Variants in DCAF6 observed in about 807,000 individuals in gnomAD.
DCAF6 encodes the protein DDB1 and CUL4 associated factor 6.
In DCAF6, 54 loss-of-function variants were observed where a neutral mutation model predicts 125.1. That is an observed-to-expected ratio of 0.43 (90% CI 0.35 to 0.54). DCAF6 has a LOEUF of 0.54. Among genes scored for constraint, DCAF6 ranks in the 20% least tolerant of loss-of-function variants. The probability of loss-of-function intolerance (pLI) is 0.01; values close to 1 mark genes in which losing one functional copy is unlikely to be tolerated. For missense variants in DCAF6, 934 were observed against 1,161.7 expected (o/e 0.80, Z 2.85); for synonymous variants, 371 against 390.4 (o/e 0.95, Z 0.58).
chr1:167,918,785 G>T, the DCAF6 span, among the ~76,000 whole-genome samples: 1 of 151,814 alleles, frequency 6.6e-6, no homozygotes, highest in South Asian at 2.1e-4. Context: ...AGTAGAGATG[G>T]TGTTTCACCG....
At chr1:167,911,051 G>T in the DCAF6 span, among the ~76,000 whole-genome samples, 3 of 152,190 alleles carry the variant, frequency 2.0e-5, no homozygotes, top group African/African-American at 7.2e-5. Flanking sequence ...GTTAACACTG[G>T]ATGGAAAGTG....
chr1:167,895,892 A>G, the DCAF6 span, among the ~76,000 whole-genome samples: 4 of 152,250 alleles, frequency 2.6e-5, no homozygotes, highest in African/African-American at 9.6e-5. Context: ...AACATTTAAG[A>G]CATGGAAAGG....
chr1:167,946,658 AT>A (rs1375187145), intron 1 of DCAF6, among the ~76,000 whole-genome samples: 1 of 152,130 alleles, frequency 6.6e-6, no homozygotes, highest in Non-Finnish European at 1.5e-5. Flanking sequence ...TTCTGTTGAT[AT>A]GATGTATCAC....
the DCAF6 span, among the ~76,000 whole-genome samples, chr1:167,872,317 A>G: frequency 2.0e-5 from 3 of 151,764 alleles, no homozygotes; most frequent in Admixed American, 1.3e-4. Context: ...CAGCCTGGGC[A>G]ACAAGAGCAA....
the DCAF6 span, among the ~76,000 whole-genome samples, chr1:167,900,440 G>A: frequency 1.3e-5 from 2 of 152,014 alleles, no homozygotes; most frequent in Non-Finnish European, 1.5e-5. Context: ...TTCTCAAGAA[G>A]GATAACACAT....
intron 11 of DCAF6, among the ~76,000 whole-genome samples, chr1:168,020,822 G>T (rs1202049727): frequency 1.3e-5 from 2 of 152,058 alleles, no homozygotes; most frequent in African/African-American, 2.4e-5. Context: ...AAAAAAACAT[G>T]TCACTTAAAA....
Position 168,065,569 on chromosome 1 carries a change from ATAAT to A in DCAF6, c.2440-19_2440-16del. On this transcript the variant is annotated splice_polypyrimidine_tract_variant and intron_variant, in intron 18 of 21. Coordinates refer to ENST00000367840, the MANE Select transcript of DCAF6 (RefSeq NM_001198956.2). ...TAATAACTTTGATTTGAATTTTTAA[ATAAT>A]TTTTTTTAACCCTTAGATAAAAGAA... The A allele has an allele frequency of 6.7e-7, 1 of 1,488,528 alleles. No homozygotes were observed. Among genetic ancestry groups the A allele is most frequent in the Non-Finnish European group, 9.1e-7 (1 of 1,102,082 alleles). 92.2% of individuals were successfully genotyped at this position (1,488,528 alleles called of 1,614,324 possible). A position where few individuals can be genotyped will look rare whatever the true frequency, so the allele number is the denominator to read the frequency against.
At position 168,005,574 on chromosome 1, in the gene DCAF6, G is replaced by C. The variant is rs374590951; in HGVS notation, c.1378+781G>C. Among the ~76,000 whole-genome samples the C allele has an allele frequency of 5.9e-5, 9 of 152,124 alleles. No individual in the cohort carries two copies. The East Asian group carries it at 1.7e-3, about 29-fold the overall frequency. On this transcript the variant is annotated intron_variant, in intron 10 of 21. Transcript: ENST00000367840. ...TCATAGTTTTCTTTGGTTCTTCTAA[G>C]GAAGAATTTTACTCAATATAGAGCC... is the stretch of plus-strand genomic sequence containing the variant.
At chr1:167,878,671 A>G in the DCAF6 span, 2 of 1,591,646 alleles carry the variant, frequency 1.3e-6, no homozygotes, top group Non-Finnish European at 1.7e-6. Flanking sequence ...GATCAGGGAA[A>G]TAACAGGCAT....
intron 12 of DCAF6, among the ~76,000 whole-genome samples, chr1:168,035,823 G>A (rs1233760957): frequency 6.6e-6 from 1 of 152,188 alleles, no homozygotes; most frequent in Admixed American, 6.5e-5. Flanking sequence ...AGCACTTTGG[G>A]AGGCCGAAGT....
At chr1:167,893,866 C>G in the DCAF6 span, 13 of 1,612,798 alleles carry the variant, frequency 8.1e-6, no homozygotes, top group Admixed American at 2.2e-4. Context: ...CTTCAAAATG[C>G]TTTCCATCAC....
intron 10 of DCAF6, among the ~76,000 whole-genome samples, chr1:168,015,094 A>G (rs1326067378): frequency 2.0e-5 from 3 of 152,216 alleles, no homozygotes; most frequent in Non-Finnish European, 2.9e-5. Flanking sequence ...ATTTATCCCT[A>G]GAGCCTAAAA....
intron 1 of DCAF6, among the ~76,000 whole-genome samples, chr1:167,940,924 G>C (rs1470126632): frequency 6.6e-6 from 1 of 152,116 alleles, no homozygotes; most frequent in Non-Finnish European, 1.5e-5. Flanking sequence ...TCATCTTTTT[G>C]TAAGGAGTTT....
At chr1:167,974,474 A>G (rs914555784) in intron 3 of DCAF6, among the ~76,000 whole-genome samples, 4 of 152,182 alleles carry the variant, frequency 2.6e-5, no homozygotes, top group African/African-American at 9.6e-5. Context: ...CCTGAAAGGG[A>G]ATAACTTAAT....
intron 2 of DCAF6, among the ~76,000 whole-genome samples, chr1:167,965,213 G>C (rs966275111): frequency 6.6e-6 from 1 of 152,194 alleles, no homozygotes; most frequent in Non-Finnish European, 1.5e-5. Context: ...ATGATTAGGT[G>C]TCTGTCACTT....
At chr1:167,962,308 A>G (rs1467516539) in intron 2 of DCAF6, among the ~76,000 whole-genome samples, 1 of 152,036 alleles carries the variant, frequency 6.6e-6, no homozygotes, top group Non-Finnish European at 1.5e-5. Flanking sequence ...CAGGTATCAT[A>G]CTAGATTCAT....
intron 7 of DCAF6, among the ~76,000 whole-genome samples, chr1:167,994,186 A>C (rs1222846632): frequency 3.3e-5 from 5 of 152,234 alleles, no homozygotes; most frequent in African/African-American, 1.2e-4. Flanking sequence ...TATCCCTAAC[A>C]GTGAATTATT....
intron 2 of DCAF6, among the ~76,000 whole-genome samples, chr1:167,963,444 T>A (rs1399592040): frequency 6.6e-6 from 1 of 151,168 alleles, no homozygotes; most frequent in Non-Finnish European, 1.5e-5. Flanking sequence ...TCTGTTTTTT[T>A]TTTTTTTCCC....
In DCAF6 at chr1:168,015,444, C is replaced by T. The variant is rs573736730; in HGVS notation, c.1379-337C>T. 5.3e-5 allele frequency among the ~76,000 whole-genome samples: 8 copies of T among 152,164 alleles called. No homozygotes were observed. In the East Asian group the frequency reaches 1.3e-3, roughly 26 times the overall value. ...ATCAGATGAGTTAACTGATTGTTTT[C>T]AATTTCTGTTTCTTTCCTAGTATCA... On this transcript the variant is annotated intron_variant, in intron 10 of 21. Coordinates refer to ENST00000367840, the MANE Select transcript of DCAF6 (RefSeq NM_001198956.2).
Sources: gnomAD v4.1 joint callset for allele counts (sites outside exome capture counted in the v4.1 genomes callset) on GRCh38, gnomAD v4.1.1 for gene constraint, MANE v1.5 for transcripts, NCBI Gene and HGNC (gene_info 2026-07-23, HGNC 2026-07-21) for gene names.